Variants in TLE3 observed in about 807,000 individuals in gnomAD.
TLE3 encodes the protein transducin-like enhancer protein 3.
TLE3 carries 14 observed loss-of-function variants against 93.0 expected under a neutral mutation model. The ratio of observed to expected loss-of-function variants is 0.15; its 90% confidence interval spans 0.10 to 0.24. The LOEUF (loss-of-function observed/expected upper bound fraction) is 0.24. Among genes scored for constraint, TLE3 ranks in the 10% least tolerant of loss-of-function variants. The pLI is 1.00. For synonymous variants in TLE3, 451 were observed against 425.0 expected (o/e 1.06, Z -0.75); for missense variants, 693 against 1,046.6 (o/e 0.66, Z 4.66).
In TLE3 at chr15:70,095,733, T is replaced by A. The variant is rs568959829; in HGVS notation, c.126-92A>T. 4.1e-6 allele frequency: 6 copies of A among 1,447,028 alleles called. No homozygotes were observed. The African/African-American group carries it at 8.7e-5, about 21-fold the overall frequency. 89.6% of individuals were successfully genotyped at this position (1,447,028 alleles called of 1,614,324 possible). ...AGGGCCTCTAGAGCCACTTTTCCAC[T>A]TTCCTGACACCCCCCCGGGGGCGCC... On this transcript the variant is annotated intron_variant, in intron 2 of 19. Transcript: ENST00000451782.
At chr15:70,066,865 TC>T in intron 6 of TLE3, 1 of 324,806 alleles carries the variant, frequency 3.1e-6, no homozygotes, top group Non-Finnish European at 6.4e-6. Flanking sequence ...AGGATTGAAA[TC>T]CCAGCTCTGG....
chr15:70,060,026 A>C (rs757287772), intron 9 of TLE3, among the ~76,000 whole-genome samples: 1 of 152,216 alleles, frequency 6.6e-6, no homozygotes, highest in Non-Finnish European at 1.5e-5. Flanking sequence ...CCCAGCTCTC[A>C]GCCCTGCACA....
chr15:70,072,102 C>T (rs564313325), intron 6 of TLE3, among the ~76,000 whole-genome samples: 2 of 152,290 alleles, frequency 1.3e-5, no homozygotes, highest in South Asian at 4.1e-4. Context: ...GCTGCATTCA[C>T]TTGGAGCTGG....
intron 16 of TLE3, 109 bp from the exon 17 acceptor site, chr15:70,053,483 G>A (rs765098106): frequency 3.1e-6 from 4 of 1,308,044 alleles, no homozygotes; most frequent in Non-Finnish European, 4.2e-6. Context: ...GCCCAGAAGA[G>A]TGCACTATGC....
intron 6 of TLE3, 139 bp downstream of exon 6, chr15:70,074,394 G>A (rs1474560089): frequency 9.4e-7 from 1 of 1,061,994 alleles, no homozygotes; most frequent in African/African-American, 1.6e-5. Context: ...CAAGCCCTTG[G>A]GGTGCTTGTA....
chr15:70,052,554 A>G, intron 17 of TLE3, 30 bp from the exon 18 acceptor site: 1 of 1,604,284 alleles, frequency 6.2e-7, no homozygotes, highest in Non-Finnish European at 8.5e-7. Context: ...AGATGGACTG[A>G]GCTCAGCATT....
At position 70,049,909 on chromosome 15, in the gene TLE3, T is replaced by C. The variant is rs1353188703; in HGVS notation, c.*188A>G. On this transcript the variant is annotated 3_prime_UTR_variant, in exon 20 of 20. Coordinates refer to ENST00000451782, the MANE Select transcript of TLE3 (RefSeq NM_001105192.3). ...AACCCTTCCGAGTCTGTGAGACACA[T>C]CAATCCAGGCCCAGGAGTCCAGACT... 1.8e-6 allele frequency: 1 copy of C among 568,590 alleles called. No homozygotes were observed. The highest frequency in any genetic ancestry group is 1.9e-5 in the African/African-American group (1 of 53,136). The allele number at this position is 568,590 out of a possible 1,614,324, so 35.2% of individuals were successfully genotyped here. A position where few individuals can be genotyped will look rare whatever the true frequency, so the allele number is the denominator to read the frequency against.
intron 4 of TLE3, among the ~76,000 whole-genome samples, chr15:70,087,838 T>G (rs1161708492): frequency 6.6e-6 from 1 of 152,220 alleles, no homozygotes; most frequent in Non-Finnish European, 1.5e-5. Context: ...AATAATGAAG[T>G]CGGCTGGTGT....
chr15:70,060,469 G>A, intron 9 of TLE3, 61 bp downstream of exon 9: 5 of 1,602,328 alleles, frequency 3.1e-6, no homozygotes, highest in South Asian at 2.2e-5. Flanking sequence ...CTTGGGCCCT[G>A]CAGACACCCC....
chr15:70,056,514 G>T lies in TLE3; in HGVS notation c.1252-140C>A, dbSNP rs867553957. On this transcript the variant is annotated intron_variant, in intron 13 of 19. Transcript: ENST00000451782. ...CAAGAGACAAGCTGAGCAGAGCAGA[G>T]CCCATTGATTCAGAGGAGACACAGG... 1.3e-4 allele frequency: 95 copies of T among 758,446 alleles called. 5 individuals carry two copies. In the South Asian group the frequency reaches 1.6e-3, roughly 13 times the overall value. 47.0% of individuals were successfully genotyped at this position (758,446 alleles called of 1,614,324 possible). A position where few individuals can be genotyped will look rare whatever the true frequency, so the allele number is the denominator to read the frequency against.
In TLE3 at chr15:70,050,150, T is replaced by C. The variant is rs1429357292; in HGVS notation, c.2257A>G (p.Ile753Val). 1 of 1,614,154 alleles carries C rather than the reference T, an allele frequency of 6.2e-7. No individual in the cohort carries two copies. The highest frequency in any genetic ancestry group is 8.5e-7 in the Non-Finnish European group (1 of 1,179,970). ...SCDISADDKY[I>V]VTGSGDKKAT... ...TTCTTGTCACCAGAGCCTGTTACAA[T>C]GTATTTGTCATCCGCTGAAATGTCA... The change falls in exon 20 of 20, where the codon ATT becomes GTT. Residue 753 changes from isoleucine (I) to valine (V), a missense_variant. Ile to Val is a conservative substitution (Grantham distance 29). Transcript: ENST00000451782.
intron 4 of TLE3, among the ~76,000 whole-genome samples, chr15:70,085,133 T>A (rs187748525): frequency 4.6e-4 from 70 of 152,320 alleles, no homozygotes; most frequent in African/African-American, 1.7e-3. Flanking sequence ...TGAAGAAAGT[T>A]CTACTGGACA....
intron 2 of TLE3, 57 bp from the exon 3 acceptor site, chr15:70,095,698 C>G: frequency 6.5e-7 from 1 of 1,542,404 alleles, no homozygotes; most frequent in South Asian, 1.2e-5. Flanking sequence ...TCCTCTGAGG[C>G]CCCGACCCAA....
At position 70,074,574 on chromosome 15, in the gene TLE3, C is replaced by T. The variant is rs370686397; in HGVS notation, c.331G>A (p.Ala111Thr). 16 of 1,612,084 alleles carry T rather than the reference C, an allele frequency of 9.9e-6. No individual in the cohort carries two copies. The highest frequency in any genetic ancestry group is 6.7e-5 in the East Asian group (3 of 44,838). Reference protein sequence around the residue: ...QQQVAQAVERAKQVTMTELNA... With the variant: ...QQQVAQAVERTKQVTMTELNA... ...AGCTCCGTCATGGTGACCTGCTTGG[C>T]GCGCTCCACTGCCTGCGCCACCTGC... is the stretch of plus-strand genomic sequence containing the variant. The change falls in exon 6 of 20, where the codon GCC becomes ACC. Residue 111 changes from alanine (A) to threonine (T), a missense_variant. Ala to Thr is a moderately conservative substitution (Grantham distance 58, BLOSUM62 0). Around this residue, in one of 4 missense-constraint regions of TLE3, gnomAD observed 104 missense variants for 173.8 expected, o/e 0.60. Coordinates refer to ENST00000451782, the MANE Select transcript of TLE3 (RefSeq NM_001105192.3).
intron 4 of TLE3, among the ~76,000 whole-genome samples, chr15:70,092,251 G>A (rs1596027313): frequency 6.6e-6 from 1 of 152,192 alleles, no homozygotes; most frequent in African/African-American, 2.4e-5. Context: ...CCTAGGGAGT[G>A]GCCAGCTCCA....
At chr15:70,073,247 C>A (rs970199339) in intron 6 of TLE3, among the ~76,000 whole-genome samples, 1 of 152,146 alleles carries the variant, frequency 6.6e-6, no homozygotes, top group Admixed American at 6.5e-5. Context: ...TGTACGTTCT[C>A]CCTTTACAGA....
intron 4 of TLE3, among the ~76,000 whole-genome samples, chr15:70,080,025 C>T (rs1595969426): frequency 6.7e-6 from 1 of 149,672 alleles, no homozygotes; most frequent in Non-Finnish European, 1.5e-5. Flanking sequence ...AGCATTGGAT[C>T]CAACTCAAAC....
At position 70,055,098 on chromosome 15, in the gene TLE3, T is replaced by A. The variant is rs2141432830; in HGVS notation, c.1529A>T (p.Asp510Val). ...TGGKGCVKIW[D>V]ISQPGSKSPI... The stretch of plus-strand genomic sequence containing the variant: ...GCTCTTGCTGCCTGGCTGGCTGATG[T>A]CCCAGATCTTCACGCAGCCCTTGCC... The change falls in exon 15 of 20, where the codon GAC becomes GTC. Residue 510 changes from aspartate (D) to valine (V), a missense_variant. Around this residue, in one of 4 missense-constraint regions of TLE3, gnomAD observed 153 missense variants for 379.9 expected, o/e 0.40. Coordinates refer to ENST00000451782, the MANE Select transcript of TLE3 (RefSeq NM_001105192.3). The A allele has an allele frequency of 6.2e-7, 1 of 1,614,032 alleles. No homozygotes were observed. Among genetic ancestry groups the A allele is most frequent in the Non-Finnish European group, 8.5e-7 (1 of 1,179,956 alleles).
chr15:70,054,610 T>C lies in TLE3; in HGVS notation c.1654A>G (p.Thr552Ala). The change falls in exon 16 of 20, where the codon ACG becomes GCG. Residue 552 changes from threonine (T) to alanine (A), a missense_variant. Transcript: ENST00000451782. ...RTLIVGGEAS[T>A]LTIWDLASPT... is the part of the protein sequence containing the mutation. ...GAGGCCAGGTCCCAGATGGTGAGCG[T>C]GCTGGCCTCGCCGCCCACGATGAGC... The C allele has an allele frequency of 6.2e-7, 1 of 1,612,778 alleles. No homozygotes were observed. The highest frequency in any genetic ancestry group is 8.5e-7 in the Non-Finnish European group (1 of 1,179,268).
Sources: allele counts gnomAD v4.1 joint callset (sites outside exome capture counted in the v4.1 genomes callset), GRCh38; gene constraint gnomAD v4.1.1; regional missense constraint gnomAD v4.1.1; transcripts MANE v1.5; gene names NCBI Gene and HGNC (gene_info 2026-07-23, HGNC 2026-07-21).